Variants in TG observed in about 807,000 individuals in gnomAD.
TG encodes thyroid hormones.
Under a neutral mutation model 324.7 loss-of-function variants are expected in TG, and 270 were observed. That is an observed-to-expected ratio of 0.83 (90% CI 0.75 to 0.92). TG has a LOEUF of 0.92. TG is among the 40% of genes least tolerant of loss of function. The pLI, the probability that TG is intolerant of heterozygous loss-of-function variation, is 0.00. For synonymous variants in TG, 1,401 were observed against 1,327.0 expected (o/e 1.06, Z -1.21); for missense variants, 3,591 against 3,456.4 (o/e 1.04, Z -0.98).
Position 132,901,513 on chromosome 8 carries a change from G to A in TG, c.3594G>A (p.Val1198=), listed in dbSNP as rs1817925217. 2 of 1,613,950 alleles carry A rather than the reference G, an allele frequency of 1.2e-6. No individual in the cohort carries two copies. The highest frequency in any genetic ancestry group is 1.7e-6 in the Non-Finnish European group (2 of 1,180,032). ...GTGTCATGGACAGCGGAGAAGAGGT[G>A]CCTGGGACGCGCGTGACCGGGGGCC... The part of the protein sequence containing the change: ...CWCVMDSGEE[V]PGTRVTGGQP... Residue 1198 remains valine, a synonymous_variant, in exon 16 of 48, where the codon GTG becomes GTA. Transcript: ENST00000220616.
intron 21 of TG, among the ~76,000 whole-genome samples, chr8:132,919,890 G>A (rs1005540905): frequency 2.6e-5 from 4 of 152,176 alleles, no homozygotes; most frequent in African/African-American, 9.7e-5. Context: ...TACCTGTGTT[G>A]CCTCATTCAG....
At chr8:132,967,205 A>ACCATCCAT (rs370535189) in intron 30 of TG, among the ~76,000 whole-genome samples, 44 of 101,272 alleles carry the variant, frequency 4.3e-4, no homozygotes, top group South Asian at 1.6e-3. Context: ...ATCCCATCCA[A>ACCATCCAT]CCATCCATCC....
At chr8:133,108,127 G>A (rs1379556152) in intron 43 of TG, among the ~76,000 whole-genome samples, 1 of 151,544 alleles carries the variant, frequency 6.6e-6, no homozygotes, top group African/African-American at 2.4e-5. Context: ...GACTACAGGT[G>A]TGTGCCACCA....
rs1564226577 is a variant in TG, at chr8:133,134,593, G to T, written c.8189-83G>T. On this transcript the variant is annotated intron_variant, in intron 47 of 47. Coordinates refer to ENST00000220616, the MANE Select transcript of TG (RefSeq NM_003235.5). ...CAAGAAATGTCCACTGGAGGCTGGG[G>T]TCTCTTTGGGACAAAAGGAAGGGAC... is the stretch of plus-strand genomic sequence containing the variant. 20 of 1,266,244 alleles carry T rather than the reference G, an allele frequency of 1.6e-5. 3 individuals carry two copies. In the South Asian group the frequency reaches 2.1e-4, roughly 14 times the overall value. 78.4% of individuals were successfully genotyped at this position (1,266,244 alleles called of 1,614,324 possible).
chr8:132,984,460 A>G (rs1254921505), intron 35 of TG, among the ~76,000 whole-genome samples: 1 of 152,214 alleles, frequency 6.6e-6, no homozygotes, highest in African/African-American at 2.4e-5. Flanking sequence ...TTCCTGAGAT[A>G]CTGTAAGGTT....
At chr8:132,914,328 T>C (rs184829872) in intron 20 of TG, among the ~76,000 whole-genome samples, 127 of 152,360 alleles carry the variant, frequency 8.3e-4, no homozygotes, top group Admixed American at 2.0e-3. Flanking sequence ...GACATTTTTA[T>C]GGCGCTAAAG....
At chr8:133,051,240 C>T (rs1316192111) in intron 41 of TG, among the ~76,000 whole-genome samples, 1 of 152,210 alleles carries the variant, frequency 6.6e-6, no homozygotes. Context: ...ACTAGCCTCA[C>T]CCTCTCCATC....
chr8:132,872,926 C>T (rs1839627974), intron 4 of TG, 136 bp from the exon 5 acceptor site: 9 of 968,364 alleles, frequency 9.3e-6, no homozygotes, highest in East Asian at 2.6e-5. Flanking sequence ...GATGTTCACA[C>T]GACAATGAAA....
At chr8:132,913,338 G>A (rs1258907436) in intron 20 of TG, 73 bp downstream of exon 20, 28 of 1,470,650 alleles carry the variant, frequency 1.9e-5, no homozygotes, top group Middle Eastern at 2.3e-4. Flanking sequence ...CTCAGCACTG[G>A]AGAGAGGCTA....
At chr8:132,935,165 G>A (rs1823394080) in intron 24 of TG, among the ~76,000 whole-genome samples, 1 of 146,078 alleles carries the variant, frequency 6.8e-6, no homozygotes, top group Non-Finnish European at 1.5e-5. Flanking sequence ...TTTTGAGACA[G>A]AGTTTCACTC....
At chr8:132,869,704 C>A in intron 2 of TG, 25 bp from the exon 3 acceptor site, 1 of 1,608,336 alleles carries the variant, frequency 6.2e-7, no homozygotes, top group South Asian at 1.1e-5. Context: ...ATCCCAGGGT[C>A]ACCTGGTCTG....
At chr8:132,974,540 G>A (rs1023600019) in intron 34 of TG, among the ~76,000 whole-genome samples, 1 of 152,152 alleles carries the variant, frequency 6.6e-6, no homozygotes, top group Non-Finnish European at 1.5e-5. Flanking sequence ...CAGGCTTCAG[G>A]CCCAGACCTG....
chr8:132,899,751 A>G (rs560043222), intron 14 of TG, among the ~76,000 whole-genome samples: 150 of 152,296 alleles, frequency 9.8e-4, no homozygotes, highest in African/African-American at 3.5e-3. Context: ...AGAAGCCACA[A>G]TGTCCGATGG....
intron 10 of TG, among the ~76,000 whole-genome samples, chr8:132,889,753 T>A (rs1442994345): frequency 1.3e-5 from 2 of 152,210 alleles, no homozygotes; most frequent in Non-Finnish European, 2.9e-5. Flanking sequence ...CATGAGTTGT[T>A]GATACCAAAA....
chr8:132,935,971 C>T (rs1207975261), intron 25 of TG, 107 bp downstream of exon 25: 13 of 814,238 alleles, frequency 1.6e-5, no homozygotes, highest in Non-Finnish European at 2.1e-5. Context: ...CTGTCCCGCT[C>T]CCCACTCCAC....
chr8:133,100,769 C>A (rs1043739266), intron 43 of TG, among the ~76,000 whole-genome samples: 1 of 152,174 alleles, frequency 6.6e-6, no homozygotes, highest in African/African-American at 2.4e-5. Context: ...AGAATAAAGG[C>A]TACTATGTGC....
intron 23 of TG, among the ~76,000 whole-genome samples, chr8:132,930,948 A>G (rs1822625770): frequency 6.6e-6 from 1 of 152,200 alleles, no homozygotes; most frequent in Admixed American, 6.5e-5. Flanking sequence ...GACAAGCAGT[A>G]TTTGCAGGTT....
intron 41 of TG, chr8:133,076,759 T>TAAAAAAA (rs35056813): frequency 8.1e-4 from 104 of 128,408 alleles, no homozygotes; most frequent in African/African-American, 2.8e-3. Flanking sequence ...GATTTAGCTG[T>TAAAAAAA]AAAAAAAAAA....
At chr8:132,978,424 G>A (rs554162497) in intron 34 of TG, among the ~76,000 whole-genome samples, 31 of 152,106 alleles carry the variant, frequency 2.0e-4, no homozygotes, top group African/African-American at 7.5e-4. Flanking sequence ...GATTTGGAGG[G>A]GACACACCTC....
Sources: allele counts gnomAD v4.1 joint callset (sites outside exome capture counted in the v4.1 genomes callset), GRCh38; gene constraint gnomAD v4.1.1; transcripts MANE v1.5; gene names NCBI Gene and HGNC (gene_info 2026-07-23, HGNC 2026-07-21).